The following ME1 variants were observed in gnomAD, a reference collection of about 807,000 sequenced individuals.
ME1 encodes the protein NADP-dependent malic enzyme.
ME1 carries 74 observed loss-of-function variants against 66.4 expected under a neutral mutation model. The observed-to-expected ratio is 1.11, with a 90% confidence interval of 0.92 to 1.35. The LOEUF is 1.35. Among genes scored for constraint, ME1 ranks in the 40% most tolerant of loss-of-function variants. ME1 has a pLI of 0.00. For missense variants in ME1, 750 were observed against 694.1 expected (o/e 1.08, Z -0.90); for synonymous variants, 251 against 235.6 (o/e 1.07, Z -0.60).
At chr6:83,316,964 A>C (rs1768047783) in intron 5 of ME1, among the ~76,000 whole-genome samples, 1 of 152,166 alleles carries the variant, frequency 6.6e-6, no homozygotes, top group Non-Finnish European at 1.5e-5. Flanking sequence ...AAAAATAAAA[A>C]AAAAAGACCA....
intron 6 of ME1, among the ~76,000 whole-genome samples, chr6:83,261,726 A>C (rs1766894851): frequency 6.6e-6 from 1 of 152,044 alleles, no homozygotes; most frequent in African/African-American, 2.4e-5. Context: ...AGTATGAAAA[A>C]GCATAGGCCG....
intron 10 of ME1, among the ~76,000 whole-genome samples, chr6:83,228,322 C>G (rs1396978683): frequency 6.6e-6 from 1 of 152,158 alleles, no homozygotes; most frequent in East Asian, 1.9e-4. Context: ...ATTTCTCAAC[C>G]TCAGCACTAT....
chr6:83,360,153 C>G (rs1233276005), intron 3 of ME1, among the ~76,000 whole-genome samples: 1 of 152,186 alleles, frequency 6.6e-6, no homozygotes, highest in Non-Finnish European at 1.5e-5. Context: ...AGCCAGTTTA[C>G]AAACCCACAA....
intron 5 of ME1, among the ~76,000 whole-genome samples, chr6:83,322,362 T>C (rs1037804325): frequency 6.6e-6 from 1 of 152,130 alleles, no homozygotes; most frequent in Non-Finnish European, 1.5e-5. Context: ...TTCTCTGAGC[T>C]AAAGGAGCAT....
chr6:83,352,074 T>C lies in ME1; in HGVS notation c.428A>G (p.Asp143Gly). The C allele has an allele frequency of 6.3e-7, 1 of 1,599,556 alleles. No homozygotes were observed. The highest frequency in any genetic ancestry group is 8.5e-7 in the Non-Finnish European group (1 of 1,172,730). ...IASVLNAWPE[D>G]VIKAIVVTDG... ...AACATGATAACTTACCTTGATGACA[T>C]CTTCTGGCCATGCATTGAGAACTGA... The change falls in exon 4 of 14, where the codon GAT becomes GGT. Residue 143 changes from aspartate (D) to glycine (G), a missense_variant. Physicochemically the swap from Asp to Gly is moderately conservative, Grantham distance 94. Transcript: ENST00000369705.
At chr6:83,252,037 G>T (rs929202719) in intron 7 of ME1, among the ~76,000 whole-genome samples, 7 of 152,158 alleles carry the variant, frequency 4.6e-5, no homozygotes, top group African/African-American at 1.7e-4. Context: ...TTTGCACTGG[G>T]GTGATGAGGA....
At chr6:83,212,613 C>T (rs757466142) in intron 13 of ME1, among the ~76,000 whole-genome samples, 56 of 152,198 alleles carry the variant, frequency 3.7e-4, no homozygotes, top group Non-Finnish European at 4.4e-4. Context: ...CCCTGTGTTT[C>T]ATGCATAATT....
chr6:83,373,954 G>A (rs1430156687), intron 3 of ME1, among the ~76,000 whole-genome samples: 2 of 152,088 alleles, frequency 1.3e-5, no homozygotes, highest in South Asian at 4.2e-4. Context: ...CGTTTTTATG[G>A]CTGCATACTA....
chr6:83,242,366 T>C (rs995446703), intron 7 of ME1, among the ~76,000 whole-genome samples: 3 of 152,196 alleles, frequency 2.0e-5, no homozygotes, highest in African/African-American at 7.2e-5. Flanking sequence ...AAAATTACCA[T>C]ATATATTTTA....
chr6:83,306,349 C>A (rs1283656225), intron 6 of ME1, among the ~76,000 whole-genome samples: 1 of 151,870 alleles, frequency 6.6e-6, no homozygotes, highest in African/African-American at 2.4e-5. Flanking sequence ...TAATGATTAT[C>A]TTTAATAATC....
At chr6:83,395,843 A>G (rs976008252) in intron 3 of ME1, among the ~76,000 whole-genome samples, 1 of 152,040 alleles carries the variant, frequency 6.6e-6, no homozygotes, top group Non-Finnish European at 1.5e-5. Context: ...AGCAAAAGAA[A>G]AAAAAAAAGG....
intron 6 of ME1, among the ~76,000 whole-genome samples, chr6:83,258,027 C>T (rs6939265): frequency 2.1e-3 from 314 of 152,044 alleles, no homozygotes; most frequent in African/African-American, 7.3e-3. Context: ...CTTGGTTCTG[C>T]GGTTTTGCGC....
intron 6 of ME1, among the ~76,000 whole-genome samples, chr6:83,273,445 T>G (rs1767121087): frequency 6.6e-6 from 1 of 152,128 alleles, no homozygotes; most frequent in East Asian, 1.9e-4. Context: ...TTAAATAAAG[T>G]TTTAAGAAGT....
chr6:83,401,024 A>G (rs1452318782), intron 2 of ME1, among the ~76,000 whole-genome samples: 1 of 152,052 alleles, frequency 6.6e-6, no homozygotes, highest in East Asian at 1.9e-4. Context: ...ACCCAACTCA[A>G]CAATGCAAAC....
At chr6:83,235,485 T>C (rs2128525021) in intron 9 of ME1, among the ~76,000 whole-genome samples, 1 of 150,928 alleles carries the variant, frequency 6.6e-6, no homozygotes, top group Non-Finnish European at 1.5e-5. Flanking sequence ...TTTTTTTTTT[T>C]TTTGAGATGG....
chr6:83,400,183 A>C (rs1413079937), intron 2 of ME1, among the ~76,000 whole-genome samples: 1 of 152,018 alleles, frequency 6.6e-6, no homozygotes, highest in African/African-American at 2.4e-5. Context: ...TGTAATCCCC[A>C]GTGCTGGAGT....
intron 1 of ME1, among the ~76,000 whole-genome samples, chr6:83,422,065 A>AG (rs1196735509): frequency 2.0e-5 from 3 of 152,172 alleles, no homozygotes; most frequent in African/African-American, 7.2e-5. Flanking sequence ...AAAATATCAG[A>AG]GATCACAGAA....
intron 7 of ME1, 110 bp downstream of exon 7, chr6:83,253,519 C>A: frequency 1.9e-6 from 1 of 528,142 alleles, no homozygotes; most frequent in Admixed American, 3.0e-5. Flanking sequence ...AGCATAATTC[C>A]TGGAATTTAA....
At chr6:83,219,740 A>ATTTTTTTTTTT (rs11324255) in intron 12 of ME1, among the ~76,000 whole-genome samples, 3 of 133,210 alleles carry the variant, frequency 2.3e-5, no homozygotes, top group Non-Finnish European at 1.6e-5. Flanking sequence ...TGCCCAACTA[A>ATTTTTTTTTTT]TTTTTTTTTT....
Sources: gnomAD v4.1 joint callset for allele counts (sites outside exome capture counted in the v4.1 genomes callset) on GRCh38, gnomAD v4.1.1 for gene constraint, MANE v1.5 for transcripts, NCBI Gene and HGNC (gene_info 2026-07-23, HGNC 2026-07-21) for gene names.